ERBB4: variants seen among roughly 807,000 people sequenced by gnomAD.
ERBB4 encodes erb-b2 receptor tyrosine kinase 4.
A neutral mutation model predicts 158.0 loss-of-function variants in ERBB4; 42 were observed. The ratio of observed to expected loss-of-function variants is 0.27; its 90% CI spans 0.21 to 0.34. The LOEUF is 0.34. Among genes scored for constraint, ERBB4 ranks in the 10% least tolerant of loss-of-function variants. ERBB4 has a pLI of 1.00. For synonymous variants in ERBB4, 583 were observed against 558.7 expected, an observed-to-expected ratio of 1.04 and a Z score of -0.61; for missense variants, 1,333 against 1,624.1, an observed-to-expected ratio of 0.82 and a Z score of 3.08.
intron 20 of ERBB4, 44 bp from the exon 21 acceptor site, chr2:211,431,144 G>A (rs753991387): frequency 1.3e-6 from 2 of 1,587,834 alleles, no homozygotes; most frequent in Non-Finnish European, 1.7e-6. Flanking sequence ...TTAATGCCCA[G>A]GTTTTCCCAT....
intron 4 of ERBB4, among the ~76,000 whole-genome samples, chr2:211,787,771 G>C (rs541527802): frequency 3.3e-5 from 5 of 152,082 alleles, no homozygotes; most frequent in Non-Finnish European, 7.4e-5. Flanking sequence ...TTGGAAGTAT[G>C]ATAAAGTAAT....
chr2:211,504,084 C>A (rs1487440432), intron 20 of ERBB4, among the ~76,000 whole-genome samples: 1 of 152,134 alleles, frequency 6.6e-6, no homozygotes, highest in Non-Finnish European at 1.5e-5. Context: ...TTTGCAACTT[C>A]TGCTAACATC....
In ERBB4 at chr2:211,545,043, C is replaced by A. The variant is rs115525191; in HGVS notation, c.2487+16860G>T. 9.3e-3 allele frequency among the ~76,000 whole-genome samples: 1,422 copies of A among 152,170 alleles called. 21 individuals carry two copies. Among genetic ancestry groups the A allele is most frequent in the African/African-American group, 0.033 (1,351 of 41,552 alleles). Reference sequence around the variant, plus strand: ...CACAAAGGACCTTTGGCTGTACACTCTTGATTTAGAGACTTCCCATATTCT... The same window carrying A: ...CACAAAGGACCTTTGGCTGTACACTATTGATTTAGAGACTTCCCATATTCT... On this transcript the variant is annotated intron_variant, in intron 20 of 27. Coordinates refer to ENST00000342788, the MANE Select transcript of ERBB4 (RefSeq NM_005235.3).
chr2:212,033,699 A>G (rs2076952666), intron 2 of ERBB4, among the ~76,000 whole-genome samples: 1 of 151,868 alleles, frequency 6.6e-6, no homozygotes, highest in African/African-American at 2.4e-5. Context: ...AGTGGCATGG[A>G]AGCCATTTTA....
At chr2:212,318,549 A>C (rs897423870) in intron 1 of ERBB4, among the ~76,000 whole-genome samples, 2 of 151,564 alleles carry the variant, frequency 1.3e-5, no homozygotes, top group Non-Finnish European at 3.0e-5. Context: ...AAAAATCAGA[A>C]AAAAAAGAAG....
At chr2:212,479,131 C>T (rs1006888531) in intron 1 of ERBB4, among the ~76,000 whole-genome samples, 11 of 152,120 alleles carry the variant, frequency 7.2e-5, no homozygotes, top group African/African-American at 2.7e-4. Flanking sequence ...AACTTCAATG[C>T]CAGGCATCCC....
intron 15 of ERBB4, among the ~76,000 whole-genome samples, chr2:211,660,835 T>C (rs2071398188): frequency 6.6e-6 from 1 of 152,092 alleles, no homozygotes; most frequent in Non-Finnish European, 1.5e-5. Context: ...CATGGGAAAA[T>C]ATAATTGAGT....
intron 1 of ERBB4, among the ~76,000 whole-genome samples, chr2:212,436,937 A>G (rs1360103824): frequency 6.6e-6 from 1 of 152,002 alleles, no homozygotes; most frequent in Non-Finnish European, 1.5e-5. Flanking sequence ...TGGAAGCACT[A>G]GAGGCTAGAA....
At chr2:211,771,568 C>T (rs1346995086) in intron 4 of ERBB4, among the ~76,000 whole-genome samples, 1 of 152,146 alleles carries the variant, frequency 6.6e-6, no homozygotes. Flanking sequence ...AGCATGAGTG[C>T]AGGTAAGTAT....
intron 2 of ERBB4, among the ~76,000 whole-genome samples, chr2:211,964,962 T>C (rs2081272469): frequency 6.6e-6 from 1 of 152,228 alleles, no homozygotes; most frequent in African/African-American, 2.4e-5. Context: ...TTTAATGTTA[T>C]TATTTCCATG....
In ERBB4 at chr2:211,657,811, C is replaced by T; in HGVS notation, c.1889G>A (p.Ser630Asn). Reference sequence around the variant, plus strand: ...CCATGGGTAGTAAATGCAGTCATGACTAGTGGGACCGTTACACCTGCAGGC... The same window carrying T: ...CCATGGGTAGTAAATGCAGTCATGATTAGTGGGACCGTTACACCTGCAGGC... ...NCTQGCNGPT[S>N]HDCIYYPWTG... Residue 630 changes from serine to asparagine, a missense_variant, in exon 16 of 28, where the codon AGT becomes AAT. Transcript: ENST00000342788. 2 of 1,613,942 alleles carry T rather than the reference C, an allele frequency of 1.2e-6. No homozygotes were observed. Among genetic ancestry groups the T allele is most frequent in the Non-Finnish European group, 1.7e-6 (2 of 1,179,880 alleles).
At chr2:211,651,835 C>T in intron 16 of ERBB4, among the ~76,000 whole-genome samples, 1 of 152,130 alleles carries the variant, frequency 6.6e-6, no homozygotes, top group Non-Finnish European at 1.5e-5. Flanking sequence ...TAGTGGACTC[C>T]AAGCTCTAGA....
intron 1 of ERBB4, among the ~76,000 whole-genome samples, chr2:212,307,596 A>T (rs1308276114): frequency 6.6e-6 from 1 of 151,032 alleles, no homozygotes; most frequent in African/African-American, 2.4e-5. Flanking sequence ...ATTTCTAATC[A>T]TTTATCTACA....
At chr2:211,848,946 T>G (rs546463778) in intron 3 of ERBB4, among the ~76,000 whole-genome samples, 1 of 152,092 alleles carries the variant, frequency 6.6e-6, no homozygotes, top group Non-Finnish European at 1.5e-5. Context: ...GTGATTGGTA[T>G]GTCATTGAGC....
intron 1 of ERBB4, among the ~76,000 whole-genome samples, chr2:212,165,468 A>T (rs78478482): frequency 0.025 from 3,790 of 152,030 alleles, 98 homozygotes; most frequent in Non-Finnish European, 0.034. Context: ...CCAAAGGATA[A>T]ATAGTGACTG....
intron 1 of ERBB4, among the ~76,000 whole-genome samples, chr2:212,133,403 T>TG (rs145240572): frequency 0.077 from 11,248 of 145,288 alleles, 885 homozygotes; most frequent in African/African-American, 0.21. Flanking sequence ...GGTGTTTTTT[T>TG]TTTGTTTTGT....
At chr2:212,372,051 A>G (rs941421324) in intron 1 of ERBB4, among the ~76,000 whole-genome samples, 3 of 152,096 alleles carry the variant, frequency 2.0e-5, no homozygotes, top group Non-Finnish European at 2.9e-5. Flanking sequence ...AAACAAGAAG[A>G]CCTGGGCCTT....
chr2:211,701,197 A>G (rs1378203983), intron 12 of ERBB4, among the ~76,000 whole-genome samples: 1 of 152,240 alleles, frequency 6.6e-6, no homozygotes, highest in East Asian at 1.9e-4. Context: ...TCTGAAAAAT[A>G]AAACACCTTG....
intron 2 of ERBB4, among the ~76,000 whole-genome samples, chr2:212,058,595 A>G (rs948106833): frequency 6.6e-6 from 1 of 152,182 alleles, no homozygotes; most frequent in Admixed American, 6.5e-5. Flanking sequence ...ATCCACCATG[A>G]TCAAGTGGGC....
Sources: gnomAD v4.1 joint callset for allele counts (sites outside exome capture counted in the v4.1 genomes callset) on GRCh38, gnomAD v4.1.1 for gene constraint, MANE v1.5 for transcripts, NCBI Gene and HGNC (gene_info 2026-07-23, HGNC 2026-07-21) for gene names.